ARHGEF10L: variants seen among roughly 807,000 people sequenced by gnomAD.
ARHGEF10L encodes rho guanine nucleotide exchange factor 10-like protein.
In ARHGEF10L, 69 loss-of-function variants were observed where a neutral mutation model predicts 141.2. That is an observed-to-expected ratio of 0.49 (90% confidence interval 0.40 to 0.60). The LOEUF (loss-of-function observed/expected upper bound fraction) is 0.60, where lower values mean the gene tolerates loss of function less well. ARHGEF10L is among the 20% of genes least tolerant of loss of function. The probability of loss-of-function intolerance (pLI) is 0.00; values close to 1 mark genes in which losing one functional copy is unlikely to be tolerated. For synonymous variants in ARHGEF10L, 711 were observed against 718.5 expected (o/e 0.99, Z 0.17); for missense variants, 1,482 against 1,734.3 (o/e 0.85, Z 2.58).
At chr1:17,561,439 C>T (rs759502427) in intron 1 of ARHGEF10L, among the ~76,000 whole-genome samples, 7 of 152,200 alleles carry the variant, frequency 4.6e-5, no homozygotes, top group East Asian at 3.9e-4. Context: ...TCCTGCCCCC[C>T]GCAGCCTTGC....
In ARHGEF10L at chr1:17,559,498, A is replaced by AC. The variant is rs140844860; in HGVS notation, c.-44+19554dup. Among the ~76,000 whole-genome samples the AC allele has an allele frequency of 9.7e-3, 1,473 of 151,720 alleles. 26 individuals carry two copies. Among genetic ancestry groups the AC allele is most frequent in the African/African-American group, 0.034 (1,418 of 41,320 alleles). On this transcript the variant is annotated intron_variant, in intron 1 of 28. Coordinates refer to ENST00000361221, the MANE Select transcript of ARHGEF10L (RefSeq NM_018125.4). ...TGTCATCTGTGAATAGGGGACCGAC[A>AC]CCCCCCAGGGCCGCTGGGAGGAGTC...
rs753421811 is a variant in ARHGEF10L at position 17,640,232 on chromosome 1, T to C, written c.2202T>C (p.Val734=). 1 of 1,613,042 alleles carries C rather than the reference T, an allele frequency of 6.2e-7. No individual in the cohort carries two copies. Among genetic ancestry groups the C allele is most frequent in the Admixed American group, 1.7e-5 (1 of 59,896 alleles). ...KSGRPISFMV[V]FITPNPLSKI... ...GCCGCCCCATTAGCTTCATGGTGGT[T>C]TTCATCACCCCCAACCCCCTGAGCA... Residue 734 remains valine, a synonymous_variant, in exon 21 of 29, where the codon GTT becomes GTC. Transcript: ENST00000361221.
intron 26 of ARHGEF10L, among the ~76,000 whole-genome samples, chr1:17,676,208 GCAGGTGTGGGTA>G (rs2063702753): frequency 1.4e-5 from 2 of 148,056 alleles, no homozygotes; most frequent in African/African-American, 5.0e-5. Context: ...AGGCATAGGT[GCAGGTGTGGGTA>G]CAGGTGTATG....
chr1:17,680,853 G>A lies in ARHGEF10L; in HGVS notation c.3010-6720G>A, dbSNP rs139656822. 6.2e-3 allele frequency among the ~76,000 whole-genome samples: 919 copies of A among 149,008 alleles called. 9 individuals carry two copies. Among genetic ancestry groups the A allele is most frequent in the African/African-American group, 0.021 (861 of 40,080 alleles). ...GGCTGAATTGCAGTGGCGTGATCTC[G>A]GCTCACTGCAATTTCTGCCTCCCGG... On this transcript the variant is annotated intron_variant, in intron 26 of 28. Coordinates refer to ENST00000361221, the MANE Select transcript of ARHGEF10L (RefSeq NM_018125.4).
chr1:17,557,677 G>A (rs1336962535), intron 1 of ARHGEF10L, among the ~76,000 whole-genome samples: 2 of 152,308 alleles, frequency 1.3e-5, no homozygotes, highest in Admixed American at 6.5e-5. Flanking sequence ...AGTATGTCTC[G>A]AGGCCTGTGA....
intron 26 of ARHGEF10L, among the ~76,000 whole-genome samples, chr1:17,680,787 C>CT (rs34585748): frequency 0.23 from 31,175 of 136,256 alleles, 4,167 homozygotes; most frequent in African/African-American, 0.37. Flanking sequence ...TCTCCCATAA[C>CT]TTTTTTTTTT....
rs12567899 is a variant in ARHGEF10L, at chr1:17,614,194, T to C, written c.726+1020T>C. Among the ~76,000 whole-genome samples, 133 of 152,242 alleles carry C rather than the reference T, an allele frequency of 8.7e-4. 2 individuals carry two copies. In the East Asian group the frequency reaches 0.018, roughly 21 times the overall value. On this transcript the variant is annotated intron_variant, in intron 8 of 28. Transcript: ENST00000361221. Reference sequence around the variant, plus strand: ...TGCAGTGCTGCCCGCTTTATTGGAATGTGAAGCCTTCCAGGAGGAGGAGAG... The same window carrying C: ...TGCAGTGCTGCCCGCTTTATTGGAACGTGAAGCCTTCCAGGAGGAGGAGAG...
At chr1:17,537,854 C>CAAAAAA (rs10611023), upstream of ARHGEF10L, among the ~76,000 whole-genome samples, 15 of 79,814 alleles carry the variant, frequency 1.9e-4, no homozygotes, top group East Asian at 3.7e-4. Context: ...ACCATCTCTA[C>CAAAAAA]AAAAAAAAAA....
rs2078074806 is a variant in ARHGEF10L, at chr1:17,573,130, TG to T, written c.-43-7417del. The stretch of plus-strand genomic sequence containing the variant: ...CCTTTCCCTGCCTGCCTCATCCTCC[TG>T]GGGGGCTTTGGGTAGGTCCCTTCCC... On this transcript the variant is annotated intron_variant, in intron 1 of 28. Transcript: ENST00000361221. The surrounding 1 kb of genome is among the most constrained non-coding windows in gnomAD (Gnocchi z 4.8). Among the ~76,000 whole-genome samples the T allele has an allele frequency of 6.6e-6, 1 of 152,112 alleles. No individual in the cohort carries two copies. The highest frequency in any genetic ancestry group is 1.5e-5 in the Non-Finnish European group (1 of 68,010).
chr1:17,653,675 T>G (rs532775490), intron 22 of ARHGEF10L, among the ~76,000 whole-genome samples: 1 of 152,248 alleles, frequency 6.6e-6, no homozygotes, highest in African/African-American at 2.4e-5. Flanking sequence ...CCAAGGCCTC[T>G]GGTGTGCAGC....
At chr1:17,533,594 G>A in the ARHGEF10L span, among the ~76,000 whole-genome samples, 2 of 152,264 alleles carry the variant, frequency 1.3e-5, no homozygotes, top group South Asian at 2.1e-4. Context: ...GATCCCCCAG[G>A]ACACCTGTGG....
chr1:17,558,066 G>GGGTGTC lies in ARHGEF10L; in HGVS notation c.-44+18116_-44+18117insGGTGTC, dbSNP rs1441009264. 6.6e-6 allele frequency among the ~76,000 whole-genome samples: 1 copy of GGGTGTC among 150,744 alleles called. No individual in the cohort carries two copies. The highest frequency in any genetic ancestry group is 1.5e-5 in the Non-Finnish European group (1 of 67,774). On this transcript the variant is annotated intron_variant, in intron 1 of 28. Coordinates refer to ENST00000361221, the MANE Select transcript of ARHGEF10L (RefSeq NM_018125.4). This position sits in a 1 kb window ranked among gnomAD's most constrained non-coding sequence, Gnocchi z 4.2. ...TCCATTCATTTACCCACCCACCCGT[G>GGGTGTC]CATCCATCTGTCCATCTGTCCATCT...
At chr1:17,550,171 G>T (rs1012510140) in intron 1 of ARHGEF10L, among the ~76,000 whole-genome samples, 1 of 152,226 alleles carries the variant, frequency 6.6e-6, no homozygotes, top group African/African-American at 2.4e-5. Flanking sequence ...CTGGTGGATT[G>T]TACACAGGGG....
rs565301714 is a variant in ARHGEF10L at position 17,623,740 on chromosome 1, G to T, written c.1200+565G>T. ...TTCTAGCTGAAGTCTGCGGACCCCAGATGTTCATGGGGTGAGGGAAGGTCA... is the reference window on the plus strand; with the variant it reads ...TTCTAGCTGAAGTCTGCGGACCCCATATGTTCATGGGGTGAGGGAAGGTCA... On this transcript the variant is annotated intron_variant, in intron 12 of 28. Transcript: ENST00000361221. The surrounding 1 kb of genome is among the most constrained non-coding windows in gnomAD (Gnocchi z 4.7). Among the ~76,000 whole-genome samples, 1 of 152,344 alleles carries T rather than the reference G, an allele frequency of 6.6e-6. No homozygotes were observed. Among genetic ancestry groups the T allele is most frequent in the South Asian group, 2.1e-4 (1 of 4,826 alleles).
At chr1:17,641,815 C>T (rs2061342343) in intron 21 of ARHGEF10L, among the ~76,000 whole-genome samples, 1 of 151,668 alleles carries the variant, frequency 6.6e-6, no homozygotes, top group Non-Finnish European at 1.5e-5. Flanking sequence ...CCCATCTCTA[C>T]TAAAAATACA....
At chr1:17,689,846 A>G in intron 27 of ARHGEF10L, 1 of 456,100 alleles carries the variant, frequency 2.2e-6, no homozygotes, top group Non-Finnish European at 4.4e-6. Flanking sequence ...AGAGAGAGTC[A>G]AGCTGATCAA....
At chr1:17,587,792 T>C (rs910383586) in intron 3 of ARHGEF10L, 147 bp downstream of exon 3, 4 of 870,888 alleles carry the variant, frequency 4.6e-6, no homozygotes, top group Non-Finnish European at 5.2e-6. Context: ...GAAGCTGCAG[T>C]CTGTGGCTTC....
rs1228386312 is a variant in ARHGEF10L at position 17,607,479 on chromosome 1, A to G, written c.434-323A>G. ...GAGACAATGAGACCCTGTCTCTAAA[A>G]CAAAATTGCCAAGGAGGCTCACAAT... On this transcript the variant is annotated intron_variant, in intron 6 of 28. Coordinates refer to ENST00000361221, the MANE Select transcript of ARHGEF10L (RefSeq NM_018125.4). This position sits in a 1 kb window ranked among gnomAD's most constrained non-coding sequence, Gnocchi z 4.5. Among the ~76,000 whole-genome samples the G allele has an allele frequency of 6.6e-6, 1 of 152,186 alleles. No individual in the cohort carries two copies. Among genetic ancestry groups the G allele is most frequent in the Non-Finnish European group, 1.5e-5 (1 of 68,042 alleles).
At chr1:17,516,605 C>A in the ARHGEF10L span, among the ~76,000 whole-genome samples, 1 of 152,168 alleles carries the variant, frequency 6.6e-6, no homozygotes, top group Non-Finnish European at 1.5e-5. Context: ...AGAAGGCAGC[C>A]CTTCCCAGGT....
Sources: allele counts gnomAD v4.1 joint callset (sites outside exome capture counted in the v4.1 genomes callset), GRCh38; gene constraint gnomAD v4.1.1; non-coding constraint Gnocchi (gnomAD v3.1); transcripts MANE v1.5; gene names NCBI Gene and HGNC (gene_info 2026-07-23, HGNC 2026-07-21).